The following TULP4 variants were observed in gnomAD, a reference collection of about 807,000 sequenced individuals.
The protein encoded by TULP4 is TUB like protein 4, also known as tubby-related protein 4.
A neutral mutation model predicts 129.0 loss-of-function variants in TULP4; 16 were observed. The ratio of observed to expected loss-of-function variants is 0.12; its 90% CI spans 0.08 to 0.19. The LOEUF (loss-of-function observed/expected upper bound fraction) is 0.19, where lower values mean the gene tolerates loss of function less well. TULP4 is among the 10% of genes least tolerant of loss of function. The probability of loss-of-function intolerance (pLI) is 1.00; values close to 1 mark genes in which losing one functional copy is unlikely to be tolerated. For synonymous variants in TULP4, 998 were observed against 854.0 expected (o/e 1.17, Z -2.94); for missense variants, 1,842 against 2,059.1 (o/e 0.89, Z 2.04).
intron 1 of TULP4, among the ~76,000 whole-genome samples, chr6:158,401,744 A>G (rs1777855920): frequency 6.6e-6 from 1 of 152,040 alleles, no homozygotes; most frequent in Admixed American, 6.6e-5. Context: ...CTCAGGTGCT[A>G]GTGTTGTGAC....
intron 8 of TULP4, among the ~76,000 whole-genome samples, chr6:158,482,411 A>C (rs1161280696): frequency 2.6e-5 from 4 of 152,170 alleles, no homozygotes; most frequent in Non-Finnish European, 5.9e-5. Context: ...TGTCAATATT[A>C]GATATTAGTC....
chr6:158,325,353 T>TCC (rs1244447951), intron 1 of TULP4, among the ~76,000 whole-genome samples: 1 of 56,484 alleles, frequency 1.8e-5, no homozygotes, highest in East Asian at 6.3e-4. Context: ...GGAACAGCTT[T>TCC]TCTTTTTTTT....
upstream of TULP4, among the ~76,000 whole-genome samples, chr6:158,277,365 C>T (rs982870873): frequency 6.6e-6 from 1 of 152,292 alleles, no homozygotes; most frequent in African/African-American, 2.4e-5. Flanking sequence ...AGAGAAATTA[C>T]TTTTGGTGTT....
intron 3 of TULP4, among the ~76,000 whole-genome samples, chr6:158,431,137 G>A (rs1393311574): frequency 1.3e-5 from 2 of 152,046 alleles, no homozygotes; most frequent in Non-Finnish European, 2.9e-5. Context: ...GAAATGCTTA[G>A]ATTCCTTTAT....
At chr6:158,392,290 C>A (rs1487245469) in intron 1 of TULP4, among the ~76,000 whole-genome samples, 1 of 152,174 alleles carries the variant, frequency 6.6e-6, no homozygotes, top group African/African-American at 2.4e-5. Flanking sequence ...GATTCTGCCC[C>A]CATGATTCTG....
Position 158,496,270 on chromosome 6 carries a change from A to G in TULP4, c.1870+1424A>G, listed in dbSNP as rs191218176. Among the ~76,000 whole-genome samples, 27 of 152,344 alleles carry G rather than the reference A, an allele frequency of 1.8e-4. No individual in the cohort carries two copies. In the East Asian group the frequency reaches 5.2e-3, roughly 29 times the overall value. On this transcript the variant is annotated intron_variant, in intron 11 of 13. Coordinates refer to ENST00000367097, the MANE Select transcript of TULP4 (RefSeq NM_020245.5). Reference sequence around the variant, plus strand: ...TTGAGCGTGCTGTGCGTAACCTACTAAAACTGGTTTTTGAAAAATTCTGAA... The same window carrying G: ...TTGAGCGTGCTGTGCGTAACCTACTGAAACTGGTTTTTGAAAAATTCTGAA...
At chr6:158,392,491 G>A (rs1777605712) in intron 1 of TULP4, among the ~76,000 whole-genome samples, 1 of 152,206 alleles carries the variant, frequency 6.6e-6, no homozygotes, top group Non-Finnish European at 1.5e-5. Context: ...GCTCAAGGCA[G>A]CATCTCTGAT....
intron 1 of TULP4, among the ~76,000 whole-genome samples, chr6:158,305,880 TCA>T (rs763163089): frequency 7.2e-4 from 109 of 152,274 alleles, no homozygotes; most frequent in Non-Finnish European, 1.2e-3. Context: ...AATATTCTTA[TCA>T]TTCCTTGGAA....
At chr6:158,346,828 C>T (rs966279779) in intron 1 of TULP4, among the ~76,000 whole-genome samples, 3 of 135,304 alleles carry the variant, frequency 2.2e-5, no homozygotes, top group African/African-American at 8.2e-5. Context: ...GATGATGATT[C>T]TGTAATTGTC....
At chr6:158,498,583 T>C (rs1780379786) in intron 11 of TULP4, 86 bp from the exon 12 acceptor site, 1 of 1,537,392 alleles carries the variant, frequency 6.5e-7, no homozygotes, top group South Asian at 1.2e-5. Context: ...GAAACTGCAG[T>C]GCGCTCTTCT....
chr6:158,442,785 C>T (rs894273768), intron 3 of TULP4, among the ~76,000 whole-genome samples: 4 of 151,104 alleles, frequency 2.6e-5, no homozygotes, highest in African/African-American at 4.9e-5. Context: ...ACTTGTGTAC[C>T]GTTCTGGAGA....
At chr6:158,432,853 TC>T (rs1240578139) in intron 3 of TULP4, among the ~76,000 whole-genome samples, 2 of 152,190 alleles carry the variant, frequency 1.3e-5, no homozygotes, top group African/African-American at 2.4e-5. Flanking sequence ...TCCTCACCAC[TC>T]CCCACTTTTT....
chr6:158,247,251 G>C (rs960354770), intron 1 of TULP4, among the ~76,000 whole-genome samples: 1 of 151,994 alleles, frequency 6.6e-6, no homozygotes, highest in Non-Finnish European at 1.5e-5. Flanking sequence ...TGCTTGTAGA[G>C]TCTAATCTAT....
chr6:158,318,589 G>A lies in TULP4; in HGVS notation c.252+4321G>A, dbSNP rs188275784. ...TAACCTGCCTAAATTCATGCAGCTT[G>A]TATGGAGGAGAACTGGAATCTAGGG... On this transcript the variant is annotated intron_variant, in intron 1 of 13. Coordinates refer to ENST00000367097, the MANE Select transcript of TULP4 (RefSeq NM_020245.5). Among the ~76,000 whole-genome samples the A allele has an allele frequency of 2.2e-4, 34 of 152,298 alleles. No individual in the cohort carries two copies. The East Asian group carries it at 6.6e-3, about 29-fold the overall frequency.
At chr6:158,357,699 G>A (rs1469020992) in intron 1 of TULP4, among the ~76,000 whole-genome samples, 1 of 152,182 alleles carries the variant, frequency 6.6e-6, no homozygotes, top group Non-Finnish European at 1.5e-5. Context: ...CTGAGGGATT[G>A]CCCCAAGGTC....
At chr6:158,272,585 C>T (rs571677118) in intron 1 of TULP4, among the ~76,000 whole-genome samples, 2 of 152,304 alleles carry the variant, frequency 1.3e-5, no homozygotes, top group African/African-American at 2.4e-5. Context: ...ACTGAAATCC[C>T]TCCACAGCTG....
rs1054138388 is a variant in TULP4 at position 158,390,609 on chromosome 6, G to A, written c.253-22456G>A. Among the ~76,000 whole-genome samples the A allele has an allele frequency of 3.3e-5, 5 of 152,232 alleles. 1 individual carries two copies. Among genetic ancestry groups the A allele is most frequent in the Admixed American group, 2.6e-4 (4 of 15,294 alleles). ...AAGTTATTACTTTGCTCAACAGATAGGACAAGCAAATCACAACAGGAAAAG... is the reference window on the plus strand; with the variant it reads ...AAGTTATTACTTTGCTCAACAGATAAGACAAGCAAATCACAACAGGAAAAG... On this transcript the variant is annotated intron_variant, in intron 1 of 13. Coordinates refer to ENST00000367097, the MANE Select transcript of TULP4 (RefSeq NM_020245.5).
In TULP4 at chr6:158,242,670, A is replaced by G; in HGVS notation, n.68+10367A>G. ...ACTTCCTTTCTGGATAAGGCATATC[A>G]CTTTACAATGCAGGCCAGTTACATC... On this transcript the variant is annotated intron_variant and non_coding_transcript_variant, in intron 1 of 1. Coordinates refer to the TULP4 transcript ENST00000620026. The G allele has an allele frequency of 3.1e-6, 2 of 647,792 alleles. 1 individual carries two copies. The highest frequency in any genetic ancestry group is 3.2e-5 in the South Asian group (2 of 63,106). The allele number at this position is 647,792 out of a possible 1,614,324, so 40.1% of individuals were successfully genotyped here.
intron 2 of TULP4, among the ~76,000 whole-genome samples, chr6:158,414,865 T>C (rs1778173628): frequency 1.3e-5 from 2 of 152,170 alleles, no homozygotes; most frequent in Non-Finnish European, 1.5e-5. Flanking sequence ...AGGAACCCTG[T>C]TCCAAAAATA....
Sources: allele counts gnomAD v4.1 joint callset (sites outside exome capture counted in the v4.1 genomes callset), GRCh38; gene constraint gnomAD v4.1.1; transcripts MANE v1.5; gene names NCBI Gene and HGNC (gene_info 2026-07-23, HGNC 2026-07-21).